NR3C2: variants seen among roughly 807,000 people sequenced by gnomAD.
NR3C2 encodes nuclear receptor subfamily 3 group C member 2, also known as mineralocorticoid receptor.
NR3C2 carries 15 observed loss-of-function variants against 86.4 expected under a neutral mutation model. The observed-to-expected ratio is 0.17, with a 90% confidence interval of 0.12 to 0.27. The LOEUF is 0.27. NR3C2 is among the 10% of genes least tolerant of loss of function. The pLI, the probability that NR3C2 is intolerant of heterozygous loss-of-function variation, is 1.00. For missense variants in NR3C2, 960 were observed against 1,195.6 expected, an observed-to-expected ratio of 0.80 and a Z score of 2.91; for synonymous variants, 458 against 450.5, an observed-to-expected ratio of 1.02 and a Z score of -0.21.
chr4:148,192,180 C>A (rs962518145), intron 4 of NR3C2, among the ~76,000 whole-genome samples: 2 of 152,172 alleles, frequency 1.3e-5, no homozygotes, highest in African/African-American at 4.8e-5. Flanking sequence ...ACAGGGTGTT[C>A]CCTTGATGAA....
chr4:148,346,192 T>C (rs1161388954), intron 2 of NR3C2, among the ~76,000 whole-genome samples: 1 of 152,102 alleles, frequency 6.6e-6, no homozygotes, highest in African/African-American at 2.4e-5. Flanking sequence ...ATGGAAACTA[T>C]GAAAATATCT....
chr4:148,394,665 C>A (rs79591648), intron 2 of NR3C2, among the ~76,000 whole-genome samples: 181 of 152,222 alleles, frequency 1.2e-3, no homozygotes, highest in African/African-American at 4.2e-3. Context: ...GCACTTCGAC[C>A]TCAGGGACAG....
chr4:148,143,360 A>G (rs546500955), intron 6 of NR3C2, among the ~76,000 whole-genome samples: 1 of 152,290 alleles, frequency 6.6e-6, no homozygotes, highest in East Asian at 1.9e-4. Flanking sequence ...AGTATCAGGG[A>G]TGGGATCCAA....
intron 2 of NR3C2, among the ~76,000 whole-genome samples, chr4:148,343,405 C>A (rs1171402991): frequency 1.3e-5 from 2 of 151,884 alleles, no homozygotes; most frequent in African/African-American, 2.4e-5. Context: ...ATCCGCCCCC[C>A]CGACCCCCCC....
chr4:148,240,089 A>C (rs564209960), intron 3 of NR3C2, among the ~76,000 whole-genome samples: 1 of 152,076 alleles, frequency 6.6e-6, no homozygotes, highest in Non-Finnish European at 1.5e-5. Context: ...AAGTAAAAAT[A>C]AGTAGGTGAA....
Position 148,194,612 on chromosome 4 carries a change from A to G in NR3C2, c.2014+134T>C, listed in dbSNP as rs954270589. 9.2e-6 allele frequency: 6 copies of G among 651,136 alleles called. No individual in the cohort carries two copies. The Admixed American group carries it at 1.0e-4, about 11-fold the overall frequency. The allele number at this position is 651,136 out of a possible 1,614,324, so 40.3% of individuals were successfully genotyped here. On this transcript the variant is annotated intron_variant, in intron 4 of 8. Coordinates refer to ENST00000358102, the MANE Select transcript of NR3C2 (RefSeq NM_000901.5). ...TTCTCTTCTAAAATGTTTTAGCATG[A>G]AAACAGAACTCATCAGATTTTCAGA...
At chr4:148,214,520 G>C (rs1223041281) in intron 3 of NR3C2, among the ~76,000 whole-genome samples, 1 of 152,168 alleles carries the variant, frequency 6.6e-6, no homozygotes, top group Admixed American at 6.5e-5. Context: ...TGACCATTTA[G>C]CCATTCAGAT....
rs570234236 is a variant in NR3C2, at chr4:148,394,986, G to C, written c.1757+40118C>G. Among the ~76,000 whole-genome samples the C allele has an allele frequency of 9.2e-5, 14 of 152,164 alleles. No individual in the cohort carries two copies. In the South Asian group the frequency reaches 2.9e-3, roughly 32 times the overall value. ...AGTTTGCAAGCAGAATGTAGTGGGG[G>C]AAACAGTCCAGGATTTGGTGGGTTG... On this transcript the variant is annotated intron_variant, in intron 2 of 8. Transcript: ENST00000358102.
At chr4:148,096,039 T>A (rs1054701313) in intron 8 of NR3C2, among the ~76,000 whole-genome samples, 2 of 152,240 alleles carry the variant, frequency 1.3e-5, no homozygotes, top group Non-Finnish European at 2.9e-5. Context: ...CTCAATTTAC[T>A]TCTAATTTTT....
At chr4:148,337,802 C>T (rs553649021) in intron 2 of NR3C2, among the ~76,000 whole-genome samples, 17 of 152,166 alleles carry the variant, frequency 1.1e-4, no homozygotes, top group African/African-American at 3.4e-4. Context: ...ATTTATAATG[C>T]GATGATTTCA....
At position 148,280,070 on chromosome 4, in the gene NR3C2, A is replaced by C. The variant is rs183588161; in HGVS notation, c.1758-19953T>G. ...GGCTTAAAACTGACAAAAATATCTT[A>C]TTTTTACCCTAAAATAATCTGTTTG... On this transcript the variant is annotated intron_variant, in intron 2 of 8. Transcript: ENST00000358102. Among the ~76,000 whole-genome samples, 138 of 152,288 alleles carry C rather than the reference A, an allele frequency of 9.1e-4. No individual in the cohort carries two copies. The East Asian group carries it at 0.026, about 29-fold the overall frequency.
intron 5 of NR3C2, 36 bp from the exon 6 acceptor site, chr4:148,152,649 T>A (rs1159649260): frequency 6.2e-7 from 1 of 1,608,452 alleles, no homozygotes; most frequent in African/African-American, 1.3e-5. Flanking sequence ...GAAATACACT[T>A]AGCATTTAAG....
At chr4:148,145,519 C>T (rs569413810) in intron 6 of NR3C2, among the ~76,000 whole-genome samples, 1 of 152,356 alleles carries the variant, frequency 6.6e-6, no homozygotes, top group Admixed American at 6.5e-5. Context: ...TAAACTTTCA[C>T]TCCTGCTGTG....
chr4:148,373,909 G>A (rs1294635680), intron 2 of NR3C2, among the ~76,000 whole-genome samples: 1 of 152,172 alleles, frequency 6.6e-6, no homozygotes, highest in Non-Finnish European at 1.5e-5. Context: ...AGAAAATTCA[G>A]AATCAGAACA....
At chr4:148,395,357 G>A (rs1747807978) in intron 2 of NR3C2, among the ~76,000 whole-genome samples, 1 of 152,044 alleles carries the variant, frequency 6.6e-6, no homozygotes, top group African/African-American at 2.4e-5. Flanking sequence ...AATGAGATAA[G>A]CCATCTAGAT....
At chr4:148,214,674 C>G (rs1039930346) in intron 3 of NR3C2, among the ~76,000 whole-genome samples, 1 of 152,136 alleles carries the variant, frequency 6.6e-6, no homozygotes, top group East Asian at 1.9e-4. Context: ...AGTGAGGCAG[C>G]AGGAGCCTGC....
intron 2 of NR3C2, among the ~76,000 whole-genome samples, chr4:148,375,372 C>T (rs914971137): frequency 6.6e-6 from 1 of 151,794 alleles, no homozygotes; most frequent in Non-Finnish European, 1.5e-5. Context: ...AGGAGAATTG[C>T]TTGAACCCGG....
chr4:148,434,856 G>T (rs1160038287), intron 2 of NR3C2, among the ~76,000 whole-genome samples: 1 of 152,190 alleles, frequency 6.6e-6, no homozygotes, highest in African/African-American at 2.4e-5. Context: ...AACAGGAAAT[G>T]GGGAGTGCGG....
chr4:148,081,650 C>T lies in NR3C2; in HGVS notation c.2800-151G>A, dbSNP rs377082907. The T allele has an allele frequency of 2.1e-5, 23 of 1,069,994 alleles. No homozygotes were observed. In the African/African-American group the frequency reaches 3.2e-4, roughly 15 times the overall value. 66.3% of individuals were successfully genotyped at this position (1,069,994 alleles called of 1,614,324 possible). A position where few individuals can be genotyped will look rare whatever the true frequency, so the allele number is the denominator to read the frequency against. ...CATTAATTGAGCAGAGTCATCTGTC[C>T]TGGGAGAGGAAGAAGGGTGCTCACA... On this transcript the variant is annotated intron_variant, in intron 8 of 8. Transcript: ENST00000358102.
Sources: gnomAD v4.1 joint callset for allele counts (sites outside exome capture counted in the v4.1 genomes callset) on GRCh38, gnomAD v4.1.1 for gene constraint, MANE v1.5 for transcripts, NCBI Gene and HGNC (gene_info 2026-07-23, HGNC 2026-07-21) for gene names.